PTPRG: variants seen among roughly 807,000 people sequenced by gnomAD.
The protein encoded by PTPRG is receptor-type tyrosine-protein phosphatase gamma.
PTPRG carries 102 observed loss-of-function variants against 165.3 expected under a neutral mutation model. The observed-to-expected ratio is 0.62, with a 90% confidence interval of 0.53 to 0.73. The LOEUF is 0.73. Ranked by LOEUF, PTPRG falls within the 30% of genes least tolerant of loss-of-function variation. The pLI, the probability that PTPRG is intolerant of heterozygous loss-of-function variation, is 0.00. For missense variants in PTPRG, 1,866 were observed against 1,861.4 expected (o/e 1.00, Z -0.05); for synonymous variants, 675 against 669.5 (o/e 1.01, Z -0.13).
chr3:61,753,788 G>C, intron 2 of PTPRG: 2 of 306,146 alleles, frequency 6.5e-6, no homozygotes, highest in Non-Finnish European at 1.3e-5. Flanking sequence ...TAGAGATGGG[G>C]TTTCACCATG....
intron 5 of PTPRG, among the ~76,000 whole-genome samples, chr3:62,096,785 CA>C (rs1321744868): frequency 6.6e-6 from 1 of 152,114 alleles, no homozygotes; most frequent in Non-Finnish European, 1.5e-5. Context: ...GATTGATGAC[CA>C]GGCTGAAACC....
chr3:61,904,834 T>G (rs1166408335), intron 2 of PTPRG, among the ~76,000 whole-genome samples: 1 of 152,170 alleles, frequency 6.6e-6, no homozygotes, highest in Admixed American at 6.5e-5. Context: ...AATTTTACCC[T>G]GGGTTTTCAT....
At chr3:61,828,781 G>A (rs2036185783) in intron 2 of PTPRG, among the ~76,000 whole-genome samples, 1 of 152,322 alleles carries the variant, frequency 6.6e-6, no homozygotes, top group African/African-American at 2.4e-5. Flanking sequence ...ACAGCAGCTT[G>A]TGTGAAGGCA....
intron 2 of PTPRG, among the ~76,000 whole-genome samples, chr3:61,911,710 G>C (rs574853522): frequency 6.6e-6 from 1 of 151,852 alleles, no homozygotes; most frequent in African/African-American, 2.4e-5. Context: ...ATATTTCTTG[G>C]TATAAATTAA....
At chr3:61,809,583 G>A (rs866587896) in intron 2 of PTPRG, among the ~76,000 whole-genome samples, 61 of 152,238 alleles carry the variant, frequency 4.0e-4, no homozygotes, top group African/African-American at 1.3e-3. Flanking sequence ...TGTAAAATAA[G>A]TATTATAACA....
chr3:61,834,438 G>A (rs1180840079), intron 2 of PTPRG, among the ~76,000 whole-genome samples: 2 of 152,302 alleles, frequency 1.3e-5, no homozygotes, highest in Non-Finnish European at 1.5e-5. Context: ...GCATGTACCT[G>A]TAGTCCTAGC....
At position 62,277,664 on chromosome 3, in the gene PTPRG, A is replaced by G. The variant is rs749470447; in HGVS notation, c.3750A>G (p.Pro1250=). 2 of 1,612,562 alleles carry G rather than the reference A, an allele frequency of 1.2e-6. No homozygotes were observed. The highest frequency in any genetic ancestry group is 4.5e-5 in the East Asian group (2 of 44,856). The change falls in exon 26 of 30, where the codon CCA becomes CCG. Residue 1250 remains proline, a synonymous_variant. Transcript: ENST00000474889. ...DHNAQIIVML[P]DNQSLAEDEF... is the part of the protein sequence containing the mutation. ...ACGCACAGATCATTGTCATGCTGCC[A>G]GACAACCAGAGCTTGGTAAGTAAAG...
In PTPRG at chr3:61,932,559, G is replaced by T. The variant is rs185174680; in HGVS notation, c.191-57066G>T. Among the ~76,000 whole-genome samples, 15 of 152,288 alleles carry T rather than the reference G, an allele frequency of 9.8e-5. No individual in the cohort carries two copies. In the East Asian group the frequency reaches 2.9e-3, roughly 29 times the overall value. On this transcript the variant is annotated intron_variant, in intron 2 of 29. Coordinates refer to ENST00000474889, the MANE Select transcript of PTPRG (RefSeq NM_002841.4). The stretch of plus-strand genomic sequence containing the variant: ...GCTGAGTTCTTACTGTGTGCAAGGC[G>T]CTGTTTTCATGCTTTCATTTGCATT...
At position 61,989,745 on chromosome 3, in the gene PTPRG, T is replaced by G; in HGVS notation, c.311T>G (p.Leu104Arg). 1 of 1,614,094 alleles carries G rather than the reference T, an allele frequency of 6.2e-7. No individual in the cohort carries two copies. The highest frequency in any genetic ancestry group is 8.5e-7 in the Non-Finnish European group (1 of 1,179,990). The change falls in exon 3 of 30, where the codon CTC (leucine) becomes CGC (arginine). Residue 104 changes from leucine to arginine, a missense_variant. This residue lies in a region of PTPRG where 408 missense variants were observed against 376.2 expected (regional missense o/e 1.08). Coordinates refer to ENST00000474889, the MANE Select transcript of PTPRG (RefSeq NM_002841.4). ...GGGGAAGAATACCAGGAACTGCAAC[T>G]CGATGGCTTCGACAATGAGTCTTCT... ...RVGEEYQELQ[L>R]DGFDNESSNK...
At chr3:62,150,720 C>T (rs147592028) in intron 6 of PTPRG, among the ~76,000 whole-genome samples, 1 of 152,244 alleles carries the variant, frequency 6.6e-6, no homozygotes, top group African/African-American at 2.4e-5. Flanking sequence ...AATCATTGGG[C>T]TAAAAACAGA....
intron 1 of PTPRG, among the ~76,000 whole-genome samples, chr3:61,746,280 G>A (rs1254346556): frequency 1.3e-4 from 19 of 142,228 alleles, no homozygotes; most frequent in Non-Finnish European, 1.2e-4. Context: ...GTGCCGTGGC[G>A]CCATCTCGGC....
At position 62,146,947 on chromosome 3, in the gene PTPRG, C is replaced by T. The variant is rs115423482; in HGVS notation, c.683-10120C>T. ...TTTCTTTTAGCCATGTATGAAAGAC[C>T]TACTTTATAAAGTGCTACGTTGGGT... On this transcript the variant is annotated intron_variant, in intron 6 of 29. Coordinates refer to ENST00000474889, the MANE Select transcript of PTPRG (RefSeq NM_002841.4). 1.7e-3 allele frequency among the ~76,000 whole-genome samples: 256 copies of T among 152,280 alleles called. 1 individual carries two copies. Among genetic ancestry groups the T allele is most frequent in the African/African-American group, 6.1e-3 (252 of 41,548 alleles).
At chr3:61,803,724 C>T (rs563924130) in intron 2 of PTPRG, among the ~76,000 whole-genome samples, 2 of 152,142 alleles carry the variant, frequency 1.3e-5, no homozygotes, top group Non-Finnish European at 2.9e-5. Flanking sequence ...GGTGACACAC[C>T]ACCATATACT....
chr3:61,674,419 G>A, intron 1 of PTPRG, among the ~76,000 whole-genome samples: 1 of 147,588 alleles, frequency 6.8e-6, no homozygotes, highest in Admixed American at 6.9e-5. Flanking sequence ...CCCAGGAGGT[G>A]GAGGCTGCAG....
At chr3:61,620,902 T>G (rs780943791) in intron 1 of PTPRG, among the ~76,000 whole-genome samples, 3 of 151,956 alleles carry the variant, frequency 2.0e-5, no homozygotes, top group Non-Finnish European at 4.4e-5. Context: ...ATGCTGGGAT[T>G]ACAGGCGTGA....
At chr3:61,857,282 C>G (rs1439126709) in intron 2 of PTPRG, among the ~76,000 whole-genome samples, 1 of 152,112 alleles carries the variant, frequency 6.6e-6, no homozygotes, top group Admixed American at 6.5e-5. Context: ...CCTCCAGTGG[C>G]CAAGGCAAGA....
chr3:61,642,573 C>T (rs2106956585), intron 1 of PTPRG, among the ~76,000 whole-genome samples: 1 of 152,276 alleles, frequency 6.6e-6, no homozygotes, highest in Admixed American at 6.5e-5. Context: ...CTGCAGACTC[C>T]ACCTGTTCTC....
At chr3:62,096,772 A>G (rs1294478256) in intron 5 of PTPRG, among the ~76,000 whole-genome samples, 2 of 152,226 alleles carry the variant, frequency 1.3e-5, no homozygotes. Context: ...GAGTTTCAGG[A>G]CAGATTGATG....
chr3:62,280,937 C>T (rs981469024), intron 26 of PTPRG, among the ~76,000 whole-genome samples: 25 of 151,972 alleles, frequency 1.6e-4, no homozygotes, highest in Admixed American at 6.6e-5. Context: ...TCATATCCAA[C>T]ATGAGGACTA....
Sources: allele counts gnomAD v4.1 joint callset (sites outside exome capture counted in the v4.1 genomes callset), GRCh38; gene constraint gnomAD v4.1.1; regional missense constraint gnomAD v4.1.1; transcripts MANE v1.5; gene names NCBI Gene and HGNC (gene_info 2026-07-23, HGNC 2026-07-21).